Variants in PCDH7 observed in about 807,000 individuals in gnomAD.
PCDH7 encodes the protein protocadherin-7.
Under a neutral mutation model 58.9 loss-of-function variants are expected in PCDH7, and 17 were observed. The ratio of observed to expected loss-of-function variants is 0.29; its 90% CI spans 0.20 to 0.43. The LOEUF is 0.43. Among genes scored for constraint, PCDH7 ranks in the 20% least tolerant of loss-of-function variants. The pLI is 1.00. For missense variants in PCDH7, 1,274 were observed against 1,441.0 expected (o/e 0.88, Z 1.88); for synonymous variants, 664 against 616.4 (o/e 1.08, Z -1.14).
chr4:30,765,695 A>G (rs1220936927), intron 1 of PCDH7, among the ~76,000 whole-genome samples: 2 of 152,178 alleles, frequency 1.3e-5, no homozygotes, highest in East Asian at 1.9e-4. Context: ...AGTTTTAAGT[A>G]TGCAATGTGC....
rs186269827 is a variant in PCDH7 at position 31,044,947 on chromosome 4, T to A, written c.*7+94732T>A. ...CCTGACTTCTCTGCCTCAGGTTTAATCTCAAGCTATCAAGTTTTGGAGAGT... is the reference window on the plus strand; with the variant it reads ...CCTGACTTCTCTGCCTCAGGTTTAAACTCAAGCTATCAAGTTTTGGAGAGT... On this transcript the variant is annotated intron_variant, in intron 3 of 3. Transcript: ENST00000509759. 2.3e-3 allele frequency among the ~76,000 whole-genome samples: 349 copies of A among 152,158 alleles called. 7 individuals carry two copies. The highest frequency in any genetic ancestry group is 0.022 in the Admixed American group (332 of 15,252).
chr4:30,823,825 C>T (rs1439885638), intron 1 of PCDH7, among the ~76,000 whole-genome samples: 2 of 152,090 alleles, frequency 1.3e-5, no homozygotes, highest in Admixed American at 1.3e-4. Context: ...GAACAAATAG[C>T]ACCCAACCAA....
intron 3 of PCDH7, among the ~76,000 whole-genome samples, chr4:31,003,027 A>G (rs921055786): frequency 6.6e-6 from 1 of 152,214 alleles, no homozygotes; most frequent in Non-Finnish European, 1.5e-5. Context: ...CGTAATAACT[A>G]TTTTCACATT....
At chr4:31,055,309 T>C (rs1757062382) in intron 3 of PCDH7, among the ~76,000 whole-genome samples, 2 of 152,160 alleles carry the variant, frequency 1.3e-5, no homozygotes, top group Admixed American at 1.3e-4. Flanking sequence ...TTTCAGAAAA[T>C]GTTAGTGTAT....
At chr4:30,870,298 A>G (rs1006061776) in intron 1 of PCDH7, among the ~76,000 whole-genome samples, 9 of 151,910 alleles carry the variant, frequency 5.9e-5, no homozygotes, top group Non-Finnish European at 1.2e-4. Context: ...ATTAGATCCC[A>G]TTTGTCAATT....
intron 1 of PCDH7, among the ~76,000 whole-genome samples, chr4:30,905,329 A>G (rs1740777794): frequency 1.3e-5 from 2 of 152,264 alleles, no homozygotes; most frequent in South Asian, 4.1e-4. Flanking sequence ...ACTAACTCCA[A>G]CTGTGTAATT....
At chr4:30,985,971 C>G (rs1001842616) in intron 3 of PCDH7, among the ~76,000 whole-genome samples, 1 of 151,962 alleles carries the variant, frequency 6.6e-6, no homozygotes, top group Non-Finnish European at 1.5e-5. Context: ...GACCCTGTAA[C>G]AACAATGGTG....
chr4:30,838,768 AG>A (rs1730841269), intron 1 of PCDH7, among the ~76,000 whole-genome samples: 1 of 152,112 alleles, frequency 6.6e-6, no homozygotes, highest in Non-Finnish European at 1.5e-5. Flanking sequence ...AGTGATTTAC[AG>A]GGAAAATAGT....
At position 31,114,638 on chromosome 4, in the gene PCDH7, C is replaced by CACAT. The variant is rs1187154543; in HGVS notation, c.*8-27832_*8-27831insTACA. On this transcript the variant is annotated intron_variant, in intron 3 of 3. Transcript: ENST00000509759. ...GCACACACTCACACATACAAACACA[C>CACAT]ACACACACACACACACACACACACA... 3.3e-3 allele frequency among the ~76,000 whole-genome samples: 485 copies of CACAT among 145,414 alleles called. 4 individuals carry two copies. Among genetic ancestry groups the CACAT allele is most frequent in the Admixed American group, 5.6e-3 (82 of 14,690 alleles).
At chr4:31,006,002 G>T (rs1479309131) in intron 3 of PCDH7, among the ~76,000 whole-genome samples, 1 of 152,112 alleles carries the variant, frequency 6.6e-6, no homozygotes. Context: ...GCAAAATGGA[G>T]ACGATAATAA....
intron 3 of PCDH7, among the ~76,000 whole-genome samples, chr4:30,974,286 T>C (rs933857677): frequency 1.3e-5 from 2 of 151,644 alleles, no homozygotes; most frequent in African/African-American, 4.9e-5. Flanking sequence ...TAAATTTCTG[T>C]CTTTGATTAC....
intron 3 of PCDH7, among the ~76,000 whole-genome samples, chr4:31,043,027 T>C (rs1756007826): frequency 6.6e-6 from 1 of 152,038 alleles, no homozygotes; most frequent in Non-Finnish European, 1.5e-5. Context: ...ATTCCTATGA[T>C]AACCAACTCA....
exon 2 of PCDH7, chr4:30,920,256 C>T: frequency 7.3e-7 from 1 of 1,367,566 alleles, no homozygotes; most frequent in South Asian, 1.1e-5. Flanking sequence ...TCAGAAACAC[C>T]AAGCAGTAAG....
intron 2 of PCDH7, among the ~76,000 whole-genome samples, chr4:30,933,022 T>C (rs919041735): frequency 3.1e-5 from 3 of 96,384 alleles, no homozygotes; most frequent in Non-Finnish European, 6.1e-5. Context: ...AGTTTCTTTC[T>C]TTCTTTCTTT....
At chr4:30,925,791 C>T (rs1307513844) in intron 2 of PCDH7, 2 of 152,160 alleles carry the variant, frequency 1.3e-5, no homozygotes, top group Non-Finnish European at 2.9e-5. Context: ...TAAGCCAGAA[C>T]TCAACTAATT....
At chr4:30,743,337 G>C (rs75442837) in intron 1 of PCDH7, among the ~76,000 whole-genome samples, 3 of 151,990 alleles carry the variant, frequency 2.0e-5, no homozygotes, top group African/African-American at 7.2e-5. Context: ...TTGAAGAAAG[G>C]AGAGAAAATA....
chr4:30,752,448 G>A (rs1305293706), intron 1 of PCDH7, among the ~76,000 whole-genome samples: 1 of 152,176 alleles, frequency 6.6e-6, no homozygotes, highest in Non-Finnish European at 1.5e-5. Context: ...AGGAAGTAGT[G>A]ACAGCTACCT....
At chr4:30,725,197 C>G (rs1330002438) in intron 1 of PCDH7, 1 of 999,152 alleles carries the variant, frequency 1.0e-6, no homozygotes, top group Non-Finnish European at 1.2e-6. Flanking sequence ...ATGCAAAACT[C>G]CACTTTCAAT....
At chr4:30,985,741 A>G (rs1750912441) in intron 3 of PCDH7, among the ~76,000 whole-genome samples, 1 of 152,144 alleles carries the variant, frequency 6.6e-6, no homozygotes, top group African/African-American at 2.4e-5. Flanking sequence ...CAATTTTTGA[A>G]CGTTTAAACC....
Sources: gnomAD v4.1 joint callset for allele counts (sites outside exome capture counted in the v4.1 genomes callset) on GRCh38, gnomAD v4.1.1 for gene constraint, MANE v1.5 for transcripts, NCBI Gene and HGNC (gene_info 2026-07-23, HGNC 2026-07-21) for gene names.